Variants in GRIA1 observed in about 807,000 individuals in gnomAD.
The protein encoded by GRIA1 is glutamate ionotropic receptor AMPA type subunit 1.
In GRIA1, 31 loss-of-function variants were observed where a neutral mutation model predicts 99.2. That is an observed-to-expected ratio of 0.31 (90% CI 0.23 to 0.42). GRIA1 has a LOEUF of 0.42. Among genes scored for constraint, GRIA1 ranks in the 10% least tolerant of loss-of-function variants. The probability of loss-of-function intolerance (pLI) is 1.00; values close to 1 mark genes in which losing one functional copy is unlikely to be tolerated. For synonymous variants in GRIA1, 438 were observed against 432.4 expected, an observed-to-expected ratio of 1.01 and a Z score of -0.16; for missense variants, 782 against 1,157.5, an observed-to-expected ratio of 0.68 and a Z score of 4.71.
At chr5:153,559,836 A>C (rs1760966802) in intron 2 of GRIA1, among the ~76,000 whole-genome samples, 2 of 152,168 alleles carry the variant, frequency 1.3e-5, no homozygotes, top group African/African-American at 4.8e-5. Flanking sequence ...TACAAAAAAA[A>C]ATTGCCTGAC....
At chr5:153,742,802 C>T (rs1031586855) in intron 11 of GRIA1, among the ~76,000 whole-genome samples, 3 of 152,210 alleles carry the variant, frequency 2.0e-5, no homozygotes, top group African/African-American at 4.8e-5. Flanking sequence ...TTCTGCCTTC[C>T]TCTTTCAATC....
At chr5:153,686,087 G>A (rs1757320725) in intron 7 of GRIA1, 138 bp from the exon 8 acceptor site, 8 of 680,076 alleles carry the variant, frequency 1.2e-5, no homozygotes, top group Admixed American at 2.4e-5. Context: ...AGGGAGTGAA[G>A]AGTTTTAGCA....
At chr5:153,747,891 T>C (rs1762262436) in intron 11 of GRIA1, among the ~76,000 whole-genome samples, 1 of 152,242 alleles carries the variant, frequency 6.6e-6, no homozygotes, top group Admixed American at 6.5e-5. Flanking sequence ...TCTCTTCTAT[T>C]AAATTGATTT....
intron 2 of GRIA1, among the ~76,000 whole-genome samples, chr5:153,537,310 C>T (rs1452732290): frequency 6.6e-6 from 1 of 152,222 alleles, no homozygotes; most frequent in East Asian, 1.9e-4. Flanking sequence ...GGAGACCAGA[C>T]CCTGCACATC....
chr5:153,636,194 C>T (rs1308911985), intron 2 of GRIA1, among the ~76,000 whole-genome samples: 1 of 152,160 alleles, frequency 6.6e-6, no homozygotes, highest in African/African-American at 2.4e-5. Flanking sequence ...ACCCTTGGCT[C>T]CTCATCTGTT....
intron 2 of GRIA1, among the ~76,000 whole-genome samples, chr5:153,607,065 A>ATATATATATATATATATATATATATATG (rs1349350277): frequency 1.8e-4 from 26 of 147,436 alleles, no homozygotes; most frequent in African/African-American, 6.4e-4. Flanking sequence ...ATATATATAT[A>ATATATATATATATATATATATATATATG]TATAATCACA....
In GRIA1 at chr5:153,798,438, G is replaced by A. The variant is rs182088946; in HGVS notation, c.2385+3703G>A. 1.1e-3 allele frequency among the ~76,000 whole-genome samples: 174 copies of A among 152,314 alleles called. 1 individual carries two copies. The highest frequency in any genetic ancestry group is 3.4e-3 in the Middle Eastern group (1 of 294). ...TACAGATTCAGCATGTGGAGGGCAC[G>A]TAGGCTTCCCCTAAAAATCCAGGTG... On this transcript the variant is annotated intron_variant, in intron 14 of 15. Coordinates refer to ENST00000285900, the MANE Select transcript of GRIA1 (RefSeq NM_000827.4).
intron 2 of GRIA1, among the ~76,000 whole-genome samples, chr5:153,609,132 T>C (rs1765728482): frequency 6.6e-6 from 1 of 152,212 alleles, no homozygotes; most frequent in African/African-American, 2.4e-5. Flanking sequence ...GGCAAGCTCT[T>C]AAATGAGCTT....
intron 13 of GRIA1, among the ~76,000 whole-genome samples, chr5:153,775,051 C>T (rs2149626305): frequency 6.6e-6 from 1 of 152,296 alleles, no homozygotes; most frequent in Admixed American, 6.5e-5. Context: ...AGATAAAGAC[C>T]TATGCAGCCA....
intron 2 of GRIA1, among the ~76,000 whole-genome samples, chr5:153,508,518 GC>G (rs1396874581): frequency 1.2e-4 from 19 of 152,072 alleles, no homozygotes; most frequent in Admixed American, 3.3e-4. Flanking sequence ...CAGAAAGAAG[GC>G]CAGTGGAGCT....
At chr5:153,754,589 G>A (rs575799252) in intron 11 of GRIA1, among the ~76,000 whole-genome samples, 4 of 152,126 alleles carry the variant, frequency 2.6e-5, no homozygotes, top group Admixed American at 6.5e-5. Context: ...GGATAGCTTC[G>A]CTGGGTTCTT....
At chr5:153,561,279 G>A (rs555005856) in intron 2 of GRIA1, among the ~76,000 whole-genome samples, 19 of 152,208 alleles carry the variant, frequency 1.2e-4, no homozygotes, top group African/African-American at 4.1e-4. Flanking sequence ...CTCTGATTCC[G>A]CTGAGTCAGT....
At chr5:153,758,010 T>A (rs530167255) in intron 11 of GRIA1, among the ~76,000 whole-genome samples, 4 of 152,076 alleles carry the variant, frequency 2.6e-5, no homozygotes, top group Middle Eastern at 3.4e-3. Context: ...TGTTAAGAGG[T>A]AGAGCTATTG....
chr5:153,511,157 A>C (rs1756030708), intron 2 of GRIA1, among the ~76,000 whole-genome samples: 1 of 152,194 alleles, frequency 6.6e-6, no homozygotes, highest in South Asian at 2.1e-4. Flanking sequence ...CAATGACCAC[A>C]ACCAAGGAGT....
intron 5 of GRIA1, among the ~76,000 whole-genome samples, chr5:153,674,206 C>T (rs537658712): frequency 3.3e-5 from 5 of 152,224 alleles, no homozygotes; most frequent in Non-Finnish European, 5.9e-5. Context: ...AACAACCAGA[C>T]CTCCATTATT....
At chr5:153,607,590 G>T (rs1204312918) in intron 2 of GRIA1, among the ~76,000 whole-genome samples, 1 of 151,510 alleles carries the variant, frequency 6.6e-6, no homozygotes, top group Non-Finnish European at 1.5e-5. Context: ...TGAATATTAG[G>T]CACCCCTTAA....
chr5:153,556,290 G>GA (rs397882230), intron 2 of GRIA1, among the ~76,000 whole-genome samples: 1 of 151,734 alleles, frequency 6.6e-6, no homozygotes, highest in Non-Finnish European at 1.5e-5. Flanking sequence ...TTTAGTTATG[G>GA]CCAAGAAAGG....
intron 11 of GRIA1, among the ~76,000 whole-genome samples, chr5:153,734,238 C>G (rs1017973835): frequency 6.6e-6 from 1 of 152,310 alleles, no homozygotes; most frequent in East Asian, 1.9e-4. Flanking sequence ...CACCACAGTT[C>G]TGGCACCCAG....
Position 153,647,082 on chromosome 5 carries a change from G to A in GRIA1, c.375G>A (p.Leu125=), listed in dbSNP as rs749002258. 6 of 1,613,804 alleles carry A rather than the reference G, an allele frequency of 3.7e-6. No individual in the cohort carries two copies. In the Admixed American group the frequency reaches 8.3e-5, roughly 22 times the overall value. ...CATCCAATCAGTTTGTCCTTCAGCTGCGCCCTGAACTGCAGGATGCCCTCA... is the reference window on the plus strand; with the variant it reads ...CATCCAATCAGTTTGTCCTTCAGCTACGCCCTGAACTGCAGGATGCCCTCA... The part of the protein sequence containing the change: ...VDTSNQFVLQ[L]RPELQDALIS... The change falls in exon 3 of 16, where the codon CTG becomes CTA. Residue 125 remains leucine (L), a synonymous_variant. Transcript: ENST00000285900.
Sources: allele counts gnomAD v4.1 joint callset (sites outside exome capture counted in the v4.1 genomes callset), GRCh38; gene constraint gnomAD v4.1.1; transcripts MANE v1.5; gene names NCBI Gene and HGNC (gene_info 2026-07-23, HGNC 2026-07-21).